IFITM3: variants seen among roughly 807,000 people sequenced by gnomAD.
IFITM3 encodes the protein interferon-induced transmembrane protein 3.
Under a neutral mutation model 5.2 loss-of-function variants are expected in IFITM3, and 5 were observed. The ratio of observed to expected loss-of-function variants is 0.96; its 90% CI spans 0.50 to 2.03. The LOEUF is 2.03. IFITM3 is among the 30% of genes most tolerant of loss of function. The probability of loss-of-function intolerance (pLI) is 0.01; values close to 1 mark genes in which losing one functional copy is unlikely to be tolerated. For missense variants in IFITM3, 156 were observed against 177.3 expected, an observed-to-expected ratio of 0.88 and a Z score of 0.68; for synonymous variants, 81 against 77.6, an observed-to-expected ratio of 1.04 and a Z score of -0.23.
In IFITM3 at chr11:319,748, C is replaced by T. The variant is rs774714628; in HGVS notation, c.*90G>A. 12 of 1,548,192 alleles carry T rather than the reference C, an allele frequency of 7.8e-6. No individual in the cohort carries two copies. The Admixed American group carries it at 1.2e-4, about 15-fold the overall frequency. ...GAGGATAAAGGGCTGATACAGGACTCGGCTCCGGGGGCAGGGCGAGGAATG... is the reference window on the plus strand; with the variant it reads ...GAGGATAAAGGGCTGATACAGGACTTGGCTCCGGGGGCAGGGCGAGGAATG... On this transcript the variant is annotated 3_prime_UTR_variant, in exon 2 of 2. Transcript: ENST00000399808.
rs368803166 is a variant in IFITM3, at chr11:320,665, C to G, written c.149G>C (p.Ser50Thr). 2.9e-4 allele frequency: 475 copies of G among 1,613,926 alleles called. No individual in the cohort carries two copies. The highest frequency in any genetic ancestry group is 3.8e-4 in the Non-Finnish European group (452 of 1,179,878). Residue 50 changes from serine (S) to threonine (T), a missense_variant, in exon 1 of 2, where the codon AGC becomes ACC. Ser to Thr is a moderately conservative substitution (Grantham distance 58). Transcript: ENST00000399808. ...GACATGGTCGGGCACGGAGGTCTCG[C>G]TGCGGATGTGGATCACGGTGGACGT... is the stretch of plus-strand genomic sequence containing the variant. ...PPTSTVIHIR[S>T]ETSVPDHVVW... is the part of the protein sequence containing the mutation.
Position 319,706 on chromosome 11 carries a change from A to C in IFITM3, c.*132T>G, listed in dbSNP as rs1846077753. The C allele has an allele frequency of 8.5e-7, 1 of 1,177,076 alleles. No homozygotes were observed. The highest frequency in any genetic ancestry group is 1.5e-5 in the African/African-American group (1 of 66,320). The allele number at this position is 1,177,076 out of a possible 1,614,324, so 72.9% of individuals were successfully genotyped here. A position where few individuals can be genotyped will look rare whatever the true frequency, so the allele number is the denominator to read the frequency against. On this transcript the variant is annotated 3_prime_UTR_variant, in exon 2 of 2. Coordinates refer to ENST00000399808, the MANE Select transcript of IFITM3 (RefSeq NM_021034.3). Reference sequence around the variant, plus strand: ...AAACACGTGCACTTTATTGAATGCCATTGTAGAAAAGCGTGTGAGGATAAA... The same window carrying C: ...AAACACGTGCACTTTATTGAATGCCCTTGTAGAAAAGCGTGTGAGGATAAA...
rs548618121 is a variant in IFITM3 at position 319,755 on chromosome 11, G to C, written c.*83C>G. 3 of 1,577,290 alleles carry C rather than the reference G, an allele frequency of 1.9e-6. No individual in the cohort carries two copies. The highest frequency in any genetic ancestry group is 3.3e-5 in the Admixed American group (2 of 59,714). On this transcript the variant is annotated 3_prime_UTR_variant, in exon 2 of 2. Transcript: ENST00000399808. ...AAGGGCTGATACAGGACTCGGCTCCGGGGGCAGGGCGAGGAATGGAAGTTG... is the reference window on the plus strand; with the variant it reads ...AAGGGCTGATACAGGACTCGGCTCCCGGGGCAGGGCGAGGAATGGAAGTTG...
chr11:320,824 G>A lies in IFITM3; in HGVS notation c.-11C>T, dbSNP rs775932244. The A allele has an allele frequency of 2.8e-5, 45 of 1,600,112 alleles. No homozygotes were observed. The highest frequency in any genetic ancestry group is 6.7e-5 in the Admixed American group (4 of 59,672). On this transcript the variant is annotated 5_prime_UTR_variant, in exon 1 of 2. Coordinates refer to ENST00000399808, the MANE Select transcript of IFITM3 (RefSeq NM_021034.3). ...GACAGTGTGATTCATGGTGTCCAGCGAAGACCAGCGGCGGTCGGGTTACTG... is the reference window on the plus strand; with the variant it reads ...GACAGTGTGATTCATGGTGTCCAGCAAAGACCAGCGGCGGTCGGGTTACTG...
At chr11:320,509 A>T (rs1427919663) in intron 1 of IFITM3, 56 bp downstream of exon 1, 6 of 1,600,508 alleles carry the variant, frequency 3.7e-6, no homozygotes, top group East Asian at 4.5e-5. Context: ...GCATGTGGGC[A>T]GGTGGAGCTC....
chr11:320,776 T>C lies in IFITM3; in HGVS notation c.38A>G (p.Asn13Ser). ...CTCATAGTTGGGGGGCTGGCCACTG[T>C]TGACAGGAGAGAAGAAGGTTTGGAC... is the stretch of plus-strand genomic sequence containing the variant. ...HTVQTFFSPV[N>S]SGQPPNYEML... The change falls in exon 1 of 2, where the codon AAC becomes AGC. Residue 13 changes from asparagine to serine, a missense_variant. Asn to Ser is a conservative substitution (Grantham distance 46). Coordinates refer to ENST00000399808, the MANE Select transcript of IFITM3 (RefSeq NM_021034.3). 6.2e-7 allele frequency: 1 copy of C among 1,613,764 alleles called. No individual in the cohort carries two copies. The highest frequency in any genetic ancestry group is 8.5e-7 in the Non-Finnish European group (1 of 1,179,866).
chr11:320,592 G>A lies in IFITM3; in HGVS notation c.222C>T (p.Gly74=). The A allele has an allele frequency of 6.2e-7, 1 of 1,613,904 alleles. No individual in the cohort carries two copies. The highest frequency in any genetic ancestry group is 8.5e-7 in the Non-Finnish European group (1 of 1,179,870). The change falls in exon 1 of 2, where the codon GGC becomes GGT. Residue 74 remains glycine, a synonymous_variant. Coordinates refer to ENST00000399808, the MANE Select transcript of IFITM3 (RefSeq NM_021034.3). ...NTLFMNPCCL[G]FIAFAYSVKS... is the part of the protein sequence containing the mutation. ...TCACGGAGTAGGCGAATGCTATGAA[G>A]CCCAGGCAGCAGGGGTTCATGAAGA...
Position 320,692 on chromosome 11 carries a change from G to C in IFITM3, c.122C>G (p.Pro41Arg), listed in dbSNP as rs754176518. ...VLGAPHNPAP[P>R]TSTVIHIRSE... is the part of the protein sequence containing the mutation. ...GCGGATGTGGATCACGGTGGACGTC[G>C]GGGGAGCAGGGTTGTGGGGCGCCCC... The change falls in exon 1 of 2, where the codon CCG becomes CGG. Residue 41 changes from proline to arginine, a missense_variant. Physicochemically the swap from Pro to Arg is moderately radical, Grantham distance 103. Coordinates refer to ENST00000399808, the MANE Select transcript of IFITM3 (RefSeq NM_021034.3). 6.2e-7 allele frequency: 1 copy of C among 1,613,890 alleles called. No individual in the cohort carries two copies. Among genetic ancestry groups the C allele is most frequent in the Non-Finnish European group, 8.5e-7 (1 of 1,179,868 alleles).
rs1846078884 is a variant in IFITM3, at chr11:319,775, A to C, written c.*63T>G. 1.2e-6 allele frequency: 2 copies of C among 1,608,138 alleles called. No homozygotes were observed. Among genetic ancestry groups the C allele is most frequent in the East Asian group, 4.5e-5 (2 of 44,852 alleles). On this transcript the variant is annotated 3_prime_UTR_variant, in exon 2 of 2. Transcript: ENST00000399808. ...GCTCCGGGGGCAGGGCGAGGAATGG[A>C]AGTTGGAGTACGTGGGATACAGGTC...
chr11:320,549 C>T lies in IFITM3; in HGVS notation c.249+16G>A. 6.8e-6 allele frequency: 11 copies of T among 1,613,156 alleles called. No individual in the cohort carries two copies. Among genetic ancestry groups the T allele is most frequent in the Non-Finnish European group, 9.3e-6 (11 of 1,179,438 alleles). On this transcript the variant is annotated intron_variant, in intron 1 of 1. Coordinates refer to ENST00000399808, the MANE Select transcript of IFITM3 (RefSeq NM_021034.3). Reference sequence around the variant, plus strand: ...CTCAGCGGCACCCTCTGAGCATTCCCTGGGGCCATACGCACCTTCACGGAG... The same window carrying T: ...CTCAGCGGCACCCTCTGAGCATTCCTTGGGGCCATACGCACCTTCACGGAG...
Position 319,893 on chromosome 11 carries a change from A to T in IFITM3, c.347T>A (p.Leu116His). The change falls in exon 2 of 2, where the codon CTC becomes CAC. Residue 116 changes from leucine to histidine, a missense_variant. Leu to His is a moderately conservative substitution (Grantham distance 99, BLOSUM62 -3). Transcript: ENST00000399808. Reference sequence around the variant, plus strand: ...GATGACGATGAGCAGAATGGTCATGAGGATGCCCAGAATCAGGGCCCAGAT... The same window carrying T: ...GATGACGATGAGCAGAATGGTCATGTGGATGCCCAGAATCAGGGCCCAGAT... Reference protein sequence around the residue: ...LNIWALILGILMTILLIVIPV... With the variant: ...LNIWALILGIHMTILLIVIPV... 1 of 1,614,166 alleles carries T rather than the reference A, an allele frequency of 6.2e-7. No homozygotes were observed. The highest frequency in any genetic ancestry group is 2.2e-5 in the East Asian group (1 of 44,876).
chr11:320,379 A>G (rs1846086242), intron 1 of IFITM3, 186 bp downstream of exon 1: 1 of 1,073,304 alleles, frequency 9.3e-7, no homozygotes, highest in African/African-American at 1.6e-5. Flanking sequence ...CACTGGGCAG[A>G]TTCCCCAAGC....
Position 319,781 on chromosome 11 carries a change from G to C in IFITM3, c.*57C>G. ...GGGGCAGGGCGAGGAATGGAAGTTG[G>C]AGTACGTGGGATACAGGTCATGGGC... On this transcript the variant is annotated 3_prime_UTR_variant, in exon 2 of 2. Coordinates refer to ENST00000399808, the MANE Select transcript of IFITM3 (RefSeq NM_021034.3). 6.2e-7 allele frequency: 1 copy of C among 1,610,798 alleles called. No individual in the cohort carries two copies. The highest frequency in any genetic ancestry group is 8.5e-7 in the Non-Finnish European group (1 of 1,177,172).
In IFITM3 at chr11:319,685, AC is replaced by A. The variant is rs1846077596; in HGVS notation, c.*152del. 4 of 1,014,096 alleles carry A rather than the reference AC, an allele frequency of 3.9e-6. No individual in the cohort carries two copies. The highest frequency in any genetic ancestry group is 6.0e-6 in the Non-Finnish European group (4 of 661,536). The allele number at this position is 1,014,096 out of a possible 1,614,324, so 62.8% of individuals were successfully genotyped here. A position where few individuals can be genotyped will look rare whatever the true frequency, so the allele number is the denominator to read the frequency against. On this transcript the variant is annotated 3_prime_UTR_variant, in exon 2 of 2. Coordinates refer to ENST00000399808, the MANE Select transcript of IFITM3 (RefSeq NM_021034.3). ...GTGAAGTCGCAGCAGCACCAGAAAC[AC>A]GTGCACTTTATTGAATGCCATTGTA... is the stretch of plus-strand genomic sequence containing the variant.
intron 1 of IFITM3, 86 bp from the exon 2 acceptor site, chr11:320,076 G>T (rs7483306): frequency 1.3e-6 from 2 of 1,590,658 alleles, no homozygotes; most frequent in Non-Finnish European, 1.7e-6. Flanking sequence ...GGCTCTCCCC[G>T]CCCTGAGATC....
Position 319,918 on chromosome 11 carries a change from T to C in IFITM3, c.322A>G (p.Ile108Val). Residue 108 changes from isoleucine to valine, a missense_variant, in exon 2 of 2, where the codon ATC becomes GTC. Transcript: ENST00000399808. ...AYASTAKCLNIWALILGILMT... is the reference protein window; with the variant it reads ...AYASTAKCLNVWALILGILMT... ...AGGATGCCCAGAATCAGGGCCCAGA[T>C]GTTCAGGCACTTGGCGGTGGAGGCA... is the stretch of plus-strand genomic sequence containing the variant. The C allele has an allele frequency of 6.2e-7, 1 of 1,614,098 alleles. No individual in the cohort carries two copies. Among genetic ancestry groups the C allele is most frequent in the South Asian group, 1.1e-5 (1 of 91,078 alleles).
Position 319,956 on chromosome 11 carries a change from C to G in IFITM3, c.284G>C (p.Gly95Ala), listed in dbSNP as rs1189636634. The change falls in exon 2 of 2, where the codon GGG becomes GCG. Residue 95 changes from glycine to alanine, a missense_variant. Coordinates refer to ENST00000399808, the MANE Select transcript of IFITM3 (RefSeq NM_021034.3). ...GGCGGTGGAGGCATAGGCCTGGGCC[C>G]CGGTCACGTCGCCAACCATCTTCCT... ...RDRKMVGDVT[G>A]AQAYASTAKC... 6 of 1,613,850 alleles carry G rather than the reference C, an allele frequency of 3.7e-6. No homozygotes were observed. Among genetic ancestry groups the G allele is most frequent in the African/African-American group, 1.3e-5 (1 of 74,848 alleles).
In IFITM3 at chr11:320,763, G is replaced by GA; in HGVS notation, c.50_51insT (p.Asn19GlnfsTer3). ...CCTCCTTGAGCATCTCATAGTTGGG[G>GA]GGCTGGCCACTGTTGACAGGAGAGA... On this transcript the variant is annotated frameshift_variant, in exon 1 of 2. Coordinates refer to ENST00000399808, the MANE Select transcript of IFITM3 (RefSeq NM_021034.3). LOFTEE classifies it high-confidence loss of function. 1 of 1,613,626 alleles carries GA rather than the reference G, an allele frequency of 6.2e-7. No individual in the cohort carries two copies. Among genetic ancestry groups the GA allele is most frequent in the South Asian group, 1.1e-5 (1 of 91,062 alleles).
intron 1 of IFITM3, chr11:320,289 G>A (rs1229688245): frequency 1.3e-5 from 9 of 693,602 alleles, no homozygotes; most frequent in Non-Finnish European, 2.3e-5. Flanking sequence ...GCTATAGGGA[G>A]AACTGCTCTG....
Sources: gnomAD v4.1 joint callset for allele counts on GRCh38, gnomAD v4.1.1 for gene constraint, MANE v1.5 for transcripts, NCBI Gene and HGNC (gene_info 2026-07-23, HGNC 2026-07-21) for gene names.